Variants in TENT5D observed in about 807,000 individuals in gnomAD.
TENT5D encodes terminal nucleotidyltransferase 5D.
For synonymous variants in TENT5D, 103 were observed against 100.6 expected (o/e 1.02, Z -0.15); for missense variants, 191 against 287.0 (o/e 0.67, Z 2.42).
chrX:80,386,578 C>A (rs904794663), intron 3 of TENT5D, among the ~76,000 whole-genome samples: 1 of 110,999 alleles, frequency 9.0e-6, no homozygotes, highest in Non-Finnish European at 1.9e-5. Context: ...AATAAAAAAT[C>A]TAAAAAAATA....
Position 80,380,919 on chromosome X carries a change from C to T in TENT5D, c.-142+38355C>T, listed in dbSNP as rs185754495. Among the ~76,000 whole-genome samples, 8 of 111,554 alleles carry T rather than the reference C, an allele frequency of 7.2e-5. No individual in the cohort carries two copies. In the East Asian group the frequency reaches 1.4e-3, roughly 20 times the overall value. On this transcript the variant is annotated intron_variant, in intron 3 of 4. Transcript: ENST00000538312. ...GGTCTTGAATCTTTATCCAATTTTT[C>T]AGTCTGTGTCTTTTAATTGGGGCAT...
intron 1 of TENT5D, among the ~76,000 whole-genome samples, chrX:80,427,079 G>T (rs1281171201): frequency 9.0e-6 from 1 of 111,719 alleles, no homozygotes; most frequent in Non-Finnish European, 1.9e-5. Context: ...ATGTGGCACT[G>T]TAAGTCCAAT....
At chrX:80,433,581 A>C (rs897081935) in intron 1 of TENT5D, among the ~76,000 whole-genome samples, 2 of 111,788 alleles carry the variant, frequency 1.8e-5, no homozygotes, top group African/African-American at 6.5e-5. Flanking sequence ...TAGCCTGGGG[A>C]AAGCTTATGA....
intron 3 of TENT5D, among the ~76,000 whole-genome samples, chrX:80,385,284 T>C (rs1301935995): frequency 9.0e-6 from 1 of 111,233 alleles, no homozygotes; most frequent in Non-Finnish European, 1.9e-5. Context: ...TACAACTATC[T>C]GATCCTTGAC....
chrX:80,429,923 C>T (rs908507881), intron 1 of TENT5D, among the ~76,000 whole-genome samples: 2 of 110,989 alleles, frequency 1.8e-5, no homozygotes, highest in Non-Finnish European at 3.8e-5. Flanking sequence ...TTTGATTTAA[C>T]AAAGACAGTT....
chrX:80,356,900 A>G (rs998137524), intron 3 of TENT5D, among the ~76,000 whole-genome samples: 7 of 110,608 alleles, frequency 6.3e-5, no homozygotes, highest in African/African-American at 2.3e-4. Flanking sequence ...TCCTAATGCT[A>G]TCCCTCCCCG....
chrX:80,382,324 G>A (rs1930883065), intron 3 of TENT5D, among the ~76,000 whole-genome samples: 1 of 111,651 alleles, frequency 9.0e-6, no homozygotes, highest in Non-Finnish European at 1.9e-5. Context: ...AGCAAATATT[G>A]CTGCCTGATC....
chrX:80,371,705 C>T (rs778847695), intron 3 of TENT5D, among the ~76,000 whole-genome samples: 69 of 112,157 alleles, frequency 6.2e-4, no homozygotes, highest in Non-Finnish European at 1.1e-3. Context: ...ATCCTCACTG[C>T]TCTCAGCCTT....
At chrX:80,350,933 C>A (rs1930164711) in intron 3 of TENT5D, among the ~76,000 whole-genome samples, 1 of 111,631 alleles carries the variant, frequency 9.0e-6, no homozygotes. Flanking sequence ...ATATTAAATT[C>A]TGGGTTGAAA....
At chrX:80,395,227 A>G (rs747774451) in intron 3 of TENT5D, among the ~76,000 whole-genome samples, 23 of 112,253 alleles carry the variant, frequency 2.0e-4, no homozygotes, top group African/African-American at 5.8e-4. Flanking sequence ...GTCATACTCC[A>G]TTGTGTATAT....
chrX:80,423,883 A>G (rs989560521), intron 1 of TENT5D, among the ~76,000 whole-genome samples: 3 of 110,665 alleles, frequency 2.7e-5, no homozygotes, highest in Non-Finnish European at 1.9e-5. Flanking sequence ...ACAAAGAACA[A>G]AGGTTGGGCC....
intron 3 of TENT5D, among the ~76,000 whole-genome samples, chrX:80,380,381 A>C (rs186577230): frequency 2.7e-5 from 3 of 110,903 alleles, no homozygotes; most frequent in Non-Finnish European, 3.8e-5. Context: ...GCTTCCAACT[A>C]TGTGGTCAGT....
At chrX:80,351,612 G>C (rs1473735274) in intron 3 of TENT5D, among the ~76,000 whole-genome samples, 2 of 109,641 alleles carry the variant, frequency 1.8e-5, no homozygotes, top group African/African-American at 3.3e-5. Flanking sequence ...TAGCTCAAAG[G>C]GGTTTGTTAT....
chrX:80,363,132 A>G (rs1049240857), intron 3 of TENT5D, among the ~76,000 whole-genome samples: 1 of 111,970 alleles, frequency 8.9e-6, no homozygotes, highest in East Asian at 2.8e-4. Context: ...ATTCTTATTC[A>G]AAATTTATTT....
At chrX:80,423,370 A>C (rs891241406) in intron 1 of TENT5D, among the ~76,000 whole-genome samples, 11 of 111,801 alleles carry the variant, frequency 9.8e-5, no homozygotes, top group African/African-American at 3.3e-5. Flanking sequence ...GTGAATTTCA[A>C]GTGAAAGTTT....
At chrX:80,393,571 A>G (rs1377146574) in intron 3 of TENT5D, among the ~76,000 whole-genome samples, 1 of 111,910 alleles carries the variant, frequency 8.9e-6, no homozygotes, top group Non-Finnish European at 1.9e-5. Flanking sequence ...GGAATTTTCA[A>G]ATTTACTAGC....
intron 3 of TENT5D, among the ~76,000 whole-genome samples, chrX:80,371,432 T>C (rs1203875641): frequency 1.8e-5 from 2 of 111,942 alleles, no homozygotes; most frequent in Non-Finnish European, 3.8e-5. Flanking sequence ...AGTCAGCCTG[T>C]CCTTTGAAGC....
chrX:80,347,258 C>G (rs949692247), intron 3 of TENT5D, among the ~76,000 whole-genome samples: 1 of 111,722 alleles, frequency 9.0e-6, no homozygotes, highest in African/African-American at 3.3e-5. Flanking sequence ...GCCACACTTT[C>G]TTCCACAATG....
chrX:80,379,071 C>T (rs1211361336), intron 3 of TENT5D, among the ~76,000 whole-genome samples: 1 of 104,309 alleles, frequency 9.6e-6, no homozygotes, highest in Non-Finnish European at 2.0e-5. Flanking sequence ...GAGTTTTTAG[C>T]ATGAAGGGCT....
Sources: allele counts gnomAD v4.1 joint callset (sites outside exome capture counted in the v4.1 genomes callset), GRCh38; gene constraint gnomAD v4.1.1; transcripts MANE v1.5; gene names NCBI Gene and HGNC (gene_info 2026-07-23, HGNC 2026-07-21).